The following LMBRD1 variants were observed in gnomAD, a reference collection of about 807,000 sequenced individuals.
LMBRD1 encodes lysosomal cobalamin transport escort protein LMBD1.
A neutral mutation model predicts 74.8 loss-of-function variants in LMBRD1; 64 were observed. The ratio of observed to expected loss-of-function variants is 0.86; its 90% confidence interval spans 0.70 to 1.05. The LOEUF (loss-of-function observed/expected upper bound fraction) is 1.05. LMBRD1 is among the 50% of genes least tolerant of loss of function. The pLI is 0.00. For missense variants in LMBRD1, 652 were observed against 645.9 expected, an observed-to-expected ratio of 1.01 and a Z score of -0.10; for synonymous variants, 204 against 216.3, an observed-to-expected ratio of 0.94 and a Z score of 0.50.
rs1184058804 is a variant in LMBRD1 at position 69,675,736 on chromosome 6, T to C, written c.*422A>G. ...ATGGGAGTAACATTCATCAGCTATA[T>C]TGTAAATATTATTTGGAGGCAATCA... On this transcript the variant is annotated 3_prime_UTR_variant, in exon 16 of 16. Transcript: ENST00000649934. 1.0e-5 allele frequency: 2 copies of C among 195,746 alleles called. No homozygotes were observed. Among genetic ancestry groups the C allele is most frequent in the Admixed American group, 5.4e-5 (1 of 18,690 alleles). The allele number at this position is 195,746 out of a possible 1,614,324, so 12.1% of individuals were successfully genotyped here.
intron 1 of LMBRD1, among the ~76,000 whole-genome samples, chr6:69,796,189 C>T (rs1304126838): frequency 6.6e-6 from 1 of 152,088 alleles, no homozygotes; most frequent in Non-Finnish European, 1.5e-5. Flanking sequence ...TACTCCGATA[C>T]TGGTAATAAA....
At chr6:69,752,598 A>G (rs1179058099) in intron 3 of LMBRD1, among the ~76,000 whole-genome samples, 1 of 152,180 alleles carries the variant, frequency 6.6e-6, no homozygotes, top group Non-Finnish European at 1.5e-5. Context: ...GCAATTTCTA[A>G]CAATAGTAAT....
chr6:69,732,052 C>T (rs1766870221), intron 7 of LMBRD1, among the ~76,000 whole-genome samples: 1 of 152,064 alleles, frequency 6.6e-6, no homozygotes, highest in African/African-American at 2.4e-5. Context: ...GTGCACCTTA[C>T]AATCGGTAGC....
chr6:69,773,248 T>C (rs1048043865), intron 3 of LMBRD1, among the ~76,000 whole-genome samples: 2 of 152,152 alleles, frequency 1.3e-5, no homozygotes, highest in African/African-American at 4.8e-5. Context: ...AAAGGATGTG[T>C]GTGCCTCCAT....
intron 3 of LMBRD1, among the ~76,000 whole-genome samples, chr6:69,773,410 CA>C (rs1765615203): frequency 6.6e-6 from 1 of 152,092 alleles, no homozygotes. Flanking sequence ...CAGCACAAAA[CA>C]CACTAAGATA....
At chr6:69,735,534 T>C (rs1282184254) in intron 7 of LMBRD1, among the ~76,000 whole-genome samples, 2 of 152,180 alleles carry the variant, frequency 1.3e-5, no homozygotes, top group Non-Finnish European at 2.9e-5. Context: ...TCAGTATGAA[T>C]ACTATGTCAG....
intron 9 of LMBRD1, among the ~76,000 whole-genome samples, chr6:69,704,289 G>T (rs1041624664): frequency 2.0e-5 from 3 of 151,778 alleles, no homozygotes; most frequent in African/African-American, 7.3e-5. Flanking sequence ...GAAACAATAC[G>T]TTTTTTTCTG....
chr6:69,732,531 G>A (rs1396049327), intron 7 of LMBRD1, among the ~76,000 whole-genome samples: 1 of 152,072 alleles, frequency 6.6e-6, no homozygotes, highest in Non-Finnish European at 1.5e-5. Context: ...CCTGAACTAA[G>A]ACATGGAGGC....
chr6:69,713,771 T>C lies in LMBRD1; in HGVS notation c.789A>G (p.Ala263=). 1 of 1,613,680 alleles carries C rather than the reference T, an allele frequency of 6.2e-7. No homozygotes were observed. ...ATTGTTTTAAGGCGCGTTTATCCCTTGCTGGCAAAGGTCGACCATCTTTGC... is the reference window on the plus strand; with the variant it reads ...ATTGTTTTAAGGCGCGTTTATCCCTCGCTGGCAAAGGTCGACCATCTTTGC... ...SKSKDGRPLP[A]RDKRALKQFE... is the part of the protein sequence containing the mutation. The change falls in exon 9 of 16, where the codon GCA becomes GCG. Residue 263 remains alanine (A), a synonymous_variant. Coordinates refer to ENST00000649934, the MANE Select transcript of LMBRD1 (RefSeq NM_018368.4).
intron 3 of LMBRD1, among the ~76,000 whole-genome samples, chr6:69,776,919 G>C (rs1312863185): frequency 1.3e-5 from 2 of 151,840 alleles, no homozygotes; most frequent in East Asian, 3.9e-4. Context: ...CTTTGAGACG[G>C]GCAGATCGCT....
chr6:69,764,112 A>G (rs915098817), intron 3 of LMBRD1, among the ~76,000 whole-genome samples: 5 of 152,204 alleles, frequency 3.3e-5, no homozygotes, highest in Non-Finnish European at 5.9e-5. Context: ...GGAAATGGAC[A>G]TGGATTCTGG....
intron 14 of LMBRD1, among the ~76,000 whole-genome samples, chr6:69,685,724 C>G (rs1479820374): frequency 5.9e-5 from 9 of 152,058 alleles, no homozygotes; most frequent in Non-Finnish European, 1.0e-4. Context: ...TTGTTGGAAC[C>G]CGGGAGGCAG....
chr6:69,795,240 T>C (rs1259095665), intron 1 of LMBRD1, among the ~76,000 whole-genome samples: 1 of 152,262 alleles, frequency 6.6e-6, no homozygotes, highest in Non-Finnish European at 1.5e-5. Context: ...TCAATTCTGA[T>C]TTTATTTGTC....
intron 9 of LMBRD1, among the ~76,000 whole-genome samples, chr6:69,705,106 G>A (rs540391056): frequency 4.6e-5 from 7 of 152,048 alleles, no homozygotes; most frequent in South Asian, 4.2e-4. Flanking sequence ...GTGGAGTTCC[G>A]TCTTTAAAAA....
At chr6:69,711,065 C>T (rs894276641) in intron 9 of LMBRD1, among the ~76,000 whole-genome samples, 3 of 152,104 alleles carry the variant, frequency 2.0e-5, no homozygotes, top group African/African-American at 4.8e-5. Flanking sequence ...TTTCCACCAA[C>T]AAGGGTGAGT....
At chr6:69,793,568 T>C (rs1766137981) in intron 1 of LMBRD1, among the ~76,000 whole-genome samples, 1 of 152,162 alleles carries the variant, frequency 6.6e-6, no homozygotes, top group Admixed American at 6.5e-5. Context: ...TGAAGCTAGA[T>C]AGAACAGTTT....
Position 69,699,587 on chromosome 6 carries a change from G to A in LMBRD1, c.1189-395C>T, listed in dbSNP as rs149762855. Among the ~76,000 whole-genome samples the A allele has an allele frequency of 3.5e-3, 537 of 151,634 alleles. 1 individual carries two copies. Among genetic ancestry groups the A allele is most frequent in the African/African-American group, 0.012 (514 of 41,404 alleles). ...AAACATCTATTTCTATGAAATACTC[G>A]TGACCTCCTTATACTTTGCTATAAA... On this transcript the variant is annotated intron_variant, in intron 12 of 15. Coordinates refer to ENST00000649934, the MANE Select transcript of LMBRD1 (RefSeq NM_018368.4).
chr6:69,764,315 CG>C (rs1765435423), intron 3 of LMBRD1, among the ~76,000 whole-genome samples: 2 of 148,794 alleles, frequency 1.3e-5, no homozygotes, highest in Admixed American at 1.4e-4. Context: ...AGAGTACATG[CG>C]CTAGATCGTT....
In LMBRD1 at chr6:69,674,643, G is replaced by T. The variant is rs117908506; in HGVS notation, c.*1515C>A. ...TCAGAGCTTAAGAACAAGTAGTATA[G>T]ATAGAAGCCAAGGGTATGTGAGATT... On this transcript the variant is annotated 3_prime_UTR_variant, in exon 16 of 16. Coordinates refer to ENST00000649934, the MANE Select transcript of LMBRD1 (RefSeq NM_018368.4). 7.0e-3 allele frequency among the ~76,000 whole-genome samples: 1,070 copies of T among 152,282 alleles called. 22 individuals carry two copies. The East Asian group carries it at 0.078, about 11-fold the overall frequency.
Sources: allele counts gnomAD v4.1 joint callset (sites outside exome capture counted in the v4.1 genomes callset), GRCh38; gene constraint gnomAD v4.1.1; transcripts MANE v1.5; gene names NCBI Gene and HGNC (gene_info 2026-07-23, HGNC 2026-07-21).